The following C1QTNF3 variants were observed in gnomAD, a reference collection of about 807,000 sequenced individuals.
C1QTNF3 encodes C1q and TNF related 3.
In C1QTNF3, 26 loss-of-function variants were observed where a neutral mutation model predicts 32.6. The ratio of observed to expected loss-of-function variants is 0.80; its 90% CI spans 0.58 to 1.11. The LOEUF (loss-of-function observed/expected upper bound fraction) is 1.11. Ranked by LOEUF, C1QTNF3 falls within the 50% of genes least tolerant of loss-of-function variation. The pLI is 0.00. For synonymous variants in C1QTNF3, 155 were observed against 146.0 expected (o/e 1.06, Z -0.44); for missense variants, 362 against 398.2 (o/e 0.91, Z 0.77).
In C1QTNF3 at chr5:34,033,275, C is replaced by T; in HGVS notation, c.570+29G>A. 3 of 1,609,454 alleles carry T rather than the reference C, an allele frequency of 1.9e-6. 1 individual carries two copies. The Middle Eastern group carries it at 5.2e-4, about 281-fold the overall frequency. On this transcript the variant is annotated intron_variant, in intron 3 of 5. Transcript: ENST00000382065. ...CTTTTGGTCAGGCAGGTTGGAAAGCCACCAGGAGATGTACCGAGGATGGTT... is the reference window on the plus strand; with the variant it reads ...CTTTTGGTCAGGCAGGTTGGAAAGCTACCAGGAGATGTACCGAGGATGGTT...
At chr5:34,082,179 G>T in the C1QTNF3 span, among the ~76,000 whole-genome samples, 3 of 151,476 alleles carry the variant, frequency 2.0e-5, no homozygotes, top group Non-Finnish European at 4.4e-5. Flanking sequence ...ATGTTGCTTT[G>T]CTCTGGCCCA....
upstream of C1QTNF3, chr5:34,043,451 G>A (rs1171599350): frequency 9.1e-6 from 3 of 330,948 alleles, no homozygotes; most frequent in Non-Finnish European, 1.1e-5. Flanking sequence ...GCTGGGAACA[G>A]AGAGCATGTG....
At chr5:34,026,326 A>G (rs1754457445) in intron 4 of C1QTNF3, among the ~76,000 whole-genome samples, 1 of 152,074 alleles carries the variant, frequency 6.6e-6, no homozygotes, top group Non-Finnish European at 1.5e-5. Flanking sequence ...CACGTGGAAG[A>G]GCAATGCTGA....
At chr5:34,038,099 A>G (rs1754785065) in intron 1 of C1QTNF3, among the ~76,000 whole-genome samples, 1 of 152,242 alleles carries the variant, frequency 6.6e-6, no homozygotes, top group Non-Finnish European at 1.5e-5. Flanking sequence ...GTGACCTTAG[A>G]GAAGTCGCTG....
At chr5:34,062,014 CA>C in the C1QTNF3 span, among the ~76,000 whole-genome samples, 1 of 152,202 alleles carries the variant, frequency 6.6e-6, no homozygotes, top group African/African-American at 2.4e-5. Context: ...ATGCCTTTAG[CA>C]GCCCCCAAGT....
the C1QTNF3 span, among the ~76,000 whole-genome samples, chr5:34,104,987 G>GC: frequency 7.5e-6 from 1 of 133,120 alleles, no homozygotes. Flanking sequence ...TTCAGCAAGA[G>GC]TTTTTTTTTT....
At chr5:34,098,700 C>T in the C1QTNF3 span, among the ~76,000 whole-genome samples, 5 of 151,822 alleles carry the variant, frequency 3.3e-5, no homozygotes. Flanking sequence ...CTGAGTCTAT[C>T]CACATCTGAC....
chr5:34,049,036 C>T, the C1QTNF3 span, among the ~76,000 whole-genome samples: 1 of 150,022 alleles, frequency 6.7e-6, no homozygotes, highest in Non-Finnish European at 1.5e-5. Context: ...AATTTAATTC[C>T]TTATATAAAA....
chr5:34,069,657 G>A, the C1QTNF3 span, among the ~76,000 whole-genome samples: 1 of 152,134 alleles, frequency 6.6e-6, no homozygotes, highest in Admixed American at 6.5e-5. Flanking sequence ...ATTACGATGA[G>A]AACGAAAGCA....
At chr5:34,119,324 A>G in the C1QTNF3 span, among the ~76,000 whole-genome samples, 1 of 152,154 alleles carries the variant, frequency 6.6e-6, no homozygotes, top group Non-Finnish European at 1.5e-5. Context: ...AATTATCCCA[A>G]TGATAGGGCA....
chr5:34,162,943 C>T, the C1QTNF3 span, among the ~76,000 whole-genome samples: 4 of 152,088 alleles, frequency 2.6e-5, no homozygotes, highest in Non-Finnish European at 4.4e-5. Flanking sequence ...GAAGAGAGAA[C>T]AAGATAAACA....
At chr5:34,048,289 T>TGAGAGAGAGA in the C1QTNF3 span, among the ~76,000 whole-genome samples, 10,004 of 141,008 alleles carry the variant, frequency 0.071, 803 homozygotes, top group East Asian at 0.34. Flanking sequence ...TGTGTGTGCA[T>TGAGAGAGAGA]GAGAGAGAGA....
chr5:34,105,967 GT>G, the C1QTNF3 span: 4 of 143,980 alleles, frequency 2.8e-5, no homozygotes, highest in African/African-American at 1.0e-4. Flanking sequence ...AACTTTTGTT[GT>G]TATCTTTACA....
At chr5:34,067,395 G>A in the C1QTNF3 span, among the ~76,000 whole-genome samples, 1 of 152,196 alleles carries the variant, frequency 6.6e-6, no homozygotes, top group Admixed American at 6.5e-5. Flanking sequence ...ACCTGAGACT[G>A]GGCAATTTCC....
chr5:34,088,851 G>A, the C1QTNF3 span, among the ~76,000 whole-genome samples: 2 of 152,032 alleles, frequency 1.3e-5, no homozygotes, highest in Non-Finnish European at 2.9e-5. Flanking sequence ...TATACTAAAT[G>A]TAGCACACCT....
chr5:34,183,394 G>T, the C1QTNF3 span, among the ~76,000 whole-genome samples: 1 of 114,670 alleles, frequency 8.7e-6, no homozygotes, highest in African/African-American at 3.4e-5. Flanking sequence ...GTAGTGCTGC[G>T]ATCCTGACTC....
the C1QTNF3 span, among the ~76,000 whole-genome samples, chr5:34,139,415 C>T: frequency 6.6e-6 from 1 of 152,086 alleles, no homozygotes; most frequent in African/African-American, 2.4e-5. Context: ...ACCCTATCCT[C>T]CCTTCTCAAA....
rs779601069 is a variant in C1QTNF3, at chr5:34,033,293, G to A, written c.570+11C>T. The A allele has an allele frequency of 1.9e-6, 3 of 1,613,352 alleles. No individual in the cohort carries two copies. The East Asian group carries it at 6.7e-5, about 36-fold the overall frequency. The stretch of plus-strand genomic sequence containing the variant: ...GGAAAGCCACCAGGAGATGTACCGA[G>A]GATGGTTTACCTGAAGTTCTGGTGG... On this transcript the variant is annotated intron_variant, in intron 3 of 5. Coordinates refer to ENST00000382065, the MANE Select transcript of C1QTNF3 (RefSeq NM_181435.6).
At chr5:34,236,940 T>C in the C1QTNF3 span, among the ~76,000 whole-genome samples, 1 of 152,168 alleles carries the variant, frequency 6.6e-6, no homozygotes. Flanking sequence ...TCCTTGGGAT[T>C]TGAAAAGTAG....
Sources: gnomAD v4.1 joint callset for allele counts (sites outside exome capture counted in the v4.1 genomes callset) on GRCh38, gnomAD v4.1.1 for gene constraint, MANE v1.5 for transcripts, NCBI Gene and HGNC (gene_info 2026-07-23, HGNC 2026-07-21) for gene names.